NOB1: variants seen among roughly 807,000 people sequenced by gnomAD.
NOB1 encodes RNA-binding protein NOB1.
A neutral mutation model predicts 44.8 loss-of-function variants in NOB1; 44 were observed. That is an observed-to-expected ratio of 0.98 (90% confidence interval 0.77 to 1.26). The LOEUF (loss-of-function observed/expected upper bound fraction) is 1.26, where lower values mean the gene tolerates loss of function less well. Among genes scored for constraint, NOB1 ranks in the 50% most tolerant of loss-of-function variants. The pLI is 0.00. For missense variants in NOB1, 560 were observed against 544.8 expected, an observed-to-expected ratio of 1.03 and a Z score of -0.28; for synonymous variants, 238 against 218.7, an observed-to-expected ratio of 1.09 and a Z score of -0.78.
In NOB1 at chr16:69,749,634, T is replaced by TA. The variant is rs202109656; in HGVS notation, c.328-5dup. ...GAATCGATGAGCTCACCTTAACCTT[T>TA]AAAAAAACAAAAAACATATACCTCT... On this transcript the variant is annotated splice_region_variant and splice_polypyrimidine_tract_variant and intron_variant, in intron 3 of 8. Transcript: ENST00000268802. 406 of 1,587,826 alleles carry TA rather than the reference T, an allele frequency of 2.6e-4. 2 individuals carry two copies. The African/African-American group carries it at 4.8e-3, about 19-fold the overall frequency.
At chr16:69,748,390 G>T (rs2038451628) in intron 6 of NOB1, 61 bp from the exon 7 acceptor site, 1 of 1,498,208 alleles carries the variant, frequency 6.7e-7, no homozygotes, top group Non-Finnish European at 9.2e-7. Flanking sequence ...TGTAATTACA[G>T]TTAAGGGAAC....
At chr16:69,743,338 G>A (rs1194857686) in intron 8 of NOB1, among the ~76,000 whole-genome samples, 1 of 152,096 alleles carries the variant, frequency 6.6e-6, no homozygotes, top group Non-Finnish European at 1.5e-5. Context: ...ACTGTTTCAG[G>A]CAACTTTAGG....
intron 3 of NOB1, among the ~76,000 whole-genome samples, 169 bp from the exon 4 acceptor site, chr16:69,749,799 G>C (rs1057495037): frequency 2.8e-4 from 43 of 151,512 alleles, no homozygotes; most frequent in African/African-American, 1.0e-3. Context: ...CCAACGTGGC[G>C]AAACCCTGTC....
intron 2 of NOB1, among the ~76,000 whole-genome samples, chr16:69,752,694 C>G (rs1037704030): frequency 3.3e-5 from 5 of 152,176 alleles, no homozygotes; most frequent in Non-Finnish European, 7.4e-5. Flanking sequence ...AATCCCAACA[C>G]TTTGGGAGGC....
chr16:69,744,529 CCT>C (rs1375089637), intron 8 of NOB1, among the ~76,000 whole-genome samples: 11 of 152,148 alleles, frequency 7.2e-5, no homozygotes, highest in Non-Finnish European at 4.4e-5. Flanking sequence ...CCCGTCCGGC[CCT>C]CTCTTCCGTG....
intron 6 of NOB1, 69 bp downstream of exon 6, chr16:69,748,849 A>C: frequency 1.5e-6 from 2 of 1,364,404 alleles, no homozygotes; most frequent in Non-Finnish European, 2.0e-6. Context: ...TTCCGTGTAC[A>C]TCTGTACACC....
chr16:69,752,157 G>A, intron 3 of NOB1, 84 bp downstream of exon 3: 2 of 1,298,458 alleles, frequency 1.5e-6, no homozygotes, highest in Non-Finnish European at 2.2e-6. Context: ...GGAACCCTGG[G>A]TCCATTACAC....
At chr16:69,746,932 CAAG>C (rs1416320673) in intron 7 of NOB1, among the ~76,000 whole-genome samples, 1 of 151,586 alleles carries the variant, frequency 6.6e-6, no homozygotes, top group Non-Finnish European at 1.5e-5. Flanking sequence ...AAACCAAAAA[CAAG>C]AATCTGGGCC....
chr16:69,753,587 CCTCGGAAAGATTTAG>C (rs1266630674), intron 2 of NOB1, among the ~76,000 whole-genome samples: 2 of 152,170 alleles, frequency 1.3e-5, no homozygotes, highest in Admixed American at 6.5e-5. Context: ...ATTAGTATTT[CCTCGGAAAGATTTAG>C]TAAGTTGGCA....
chr16:69,744,699 G>A (rs908751095), intron 8 of NOB1, among the ~76,000 whole-genome samples, 174 bp downstream of exon 8: 3 of 152,220 alleles, frequency 2.0e-5, no homozygotes, highest in Non-Finnish European at 4.4e-5. Context: ...CTGAATAACC[G>A]GTCGCTTCTC....
intron 2 of NOB1, 28 bp downstream of exon 2, chr16:69,754,566 C>G: frequency 6.2e-7 from 1 of 1,611,306 alleles, no homozygotes; most frequent in Non-Finnish European, 8.5e-7. Flanking sequence ...CCCCAGCTTC[C>G]CGTCAACGCT....
chr16:69,748,680 A>T (rs1474700347), intron 6 of NOB1: 2 of 535,662 alleles, frequency 3.7e-6, no homozygotes, highest in South Asian at 6.0e-5. Context: ...CTGAAAAAAA[A>T]ATCATAAAAA....
In NOB1 at chr16:69,744,251, G is replaced by A. The variant is rs556948563; in HGVS notation, c.969+622C>T. Among the ~76,000 whole-genome samples, 7 of 152,290 alleles carry A rather than the reference G, an allele frequency of 4.6e-5. No homozygotes were observed. In the South Asian group the frequency reaches 1.5e-3, roughly 32 times the overall value. ...CAGGAGAATCGCTTGAACCCCAGAG[G>A]TGGAGTTTCAGTGAGCCAAGATCAC... is the stretch of plus-strand genomic sequence containing the variant. On this transcript the variant is annotated intron_variant, in intron 8 of 8. Coordinates refer to ENST00000268802, the MANE Select transcript of NOB1 (RefSeq NM_014062.3).
intron 2 of NOB1, 135 bp from the exon 3 acceptor site, chr16:69,752,506 T>C: frequency 1.1e-6 from 1 of 921,900 alleles, no homozygotes. Flanking sequence ...AGGATCACTA[T>C]GTCATGAAAA....
rs762361319 is a variant in NOB1, at chr16:69,754,603, C to G, written c.187G>C (p.Val63Leu). 1.2e-5 allele frequency: 19 copies of G among 1,614,118 alleles called. No homozygotes were observed. Among genetic ancestry groups the G allele is most frequent in the South Asian group, 9.9e-5 (9 of 91,086 alleles). Residue 63 changes from valine (V) to leucine (L), a missense_variant, in exon 2 of 9, where the codon GTG becomes CTG. Val to Leu is a conservative substitution (Grantham distance 32). Transcript: ENST00000268802. ...LRFKEPLPEYVRLVTEFSKKT... is the reference protein window; with the variant it reads ...LRFKEPLPEYLRLVTEFSKKT... ...GGGCAGAGGCACTCACCCAGCCGCACGTATTCCGGTAAGGGCTCCTTGAAC... is the reference window on the plus strand; with the variant it reads ...GGGCAGAGGCACTCACCCAGCCGCAGGTATTCCGGTAAGGGCTCCTTGAAC...
In NOB1 at chr16:69,752,283, T is replaced by C. The variant is rs1191120559; in HGVS notation, c.285A>G (p.Ala95=). ...TTAGGTGAGACACCCCAACAAACTC[T>C]GCTTCCAACTGGTATGTGAGTGCAA... ...QVLALTYQLE[A]EFVGVSHLKQ... The change falls in exon 3 of 9, where the codon GCA becomes GCG. Residue 95 remains alanine (A), a synonymous_variant. Transcript: ENST00000268802. The C allele has an allele frequency of 1.2e-6, 2 of 1,613,356 alleles. No individual in the cohort carries two copies. Among genetic ancestry groups the C allele is most frequent in the Non-Finnish European group, 1.7e-6 (2 of 1,179,872 alleles).
intron 2 of NOB1, among the ~76,000 whole-genome samples, chr16:69,754,332 T>C (rs1441461063): frequency 6.6e-6 from 1 of 152,220 alleles, no homozygotes; most frequent in African/African-American, 2.4e-5. Context: ...CACAGCAACC[T>C]TGGAGACAGA....
At chr16:69,754,807 C>G in intron 1 of NOB1, 41 bp downstream of exon 1, 1 of 1,608,650 alleles carries the variant, frequency 6.2e-7, no homozygotes, top group Non-Finnish European at 8.5e-7. Flanking sequence ...GGAGGGGCGG[C>G]CAGCCCAGAT....
chr16:69,748,457 G>C, intron 6 of NOB1, 128 bp from the exon 7 acceptor site: 3 of 767,130 alleles, frequency 3.9e-6, no homozygotes, highest in Non-Finnish European at 6.4e-6. Flanking sequence ...ACTCAGCCTG[G>C]GGAGGCCTCT....
Sources: allele counts gnomAD v4.1 joint callset (sites outside exome capture counted in the v4.1 genomes callset), GRCh38; gene constraint gnomAD v4.1.1; transcripts MANE v1.5; gene names NCBI Gene and HGNC (gene_info 2026-07-23, HGNC 2026-07-21).